The following JAZF1 variants were observed in gnomAD, a reference collection of about 807,000 sequenced individuals.
JAZF1 encodes the protein JAZF zinc finger 1, also known as juxtaposed with another zinc finger protein 1.
JAZF1 carries 8 observed loss-of-function variants against 26.4 expected under a neutral mutation model. The observed-to-expected ratio is 0.30, with a 90% CI of 0.18 to 0.55. The LOEUF is 0.55. JAZF1 is among the 20% of genes least tolerant of loss of function. The pLI is 0.94. For synonymous variants in JAZF1, 126 were observed against 122.3 expected (o/e 1.03, Z -0.20); for missense variants, 199 against 322.0 (o/e 0.62, Z 2.92).
At chr7:27,931,807 T>C (rs1208916304) in intron 2 of JAZF1, among the ~76,000 whole-genome samples, 1 of 151,688 alleles carries the variant, frequency 6.6e-6, no homozygotes, top group Non-Finnish European at 1.5e-5. Context: ...CCTGGGAGAA[T>C]TGCTTGAACC....
chr7:28,041,450 A>G (rs1484504000), intron 1 of JAZF1, among the ~76,000 whole-genome samples: 1 of 152,202 alleles, frequency 6.6e-6, no homozygotes, highest in Non-Finnish European at 1.5e-5. Flanking sequence ...ATGAAACTAG[A>G]CATCTTGCTA....
intron 2 of JAZF1, among the ~76,000 whole-genome samples, chr7:27,922,674 GT>G (rs11411348): frequency 1.1e-4 from 16 of 151,034 alleles, no homozygotes; most frequent in Admixed American, 4.6e-4. Context: ...TTAATAATGG[GT>G]TTTTTTTTGC....
intron 2 of JAZF1, among the ~76,000 whole-genome samples, chr7:27,985,868 A>G (rs1785689096): frequency 6.6e-6 from 1 of 152,238 alleles, no homozygotes; most frequent in South Asian, 2.1e-4. Context: ...GATTATCTCA[A>G]TAGAAGCAGA....
intron 1 of JAZF1, among the ~76,000 whole-genome samples, chr7:28,016,773 G>T (rs1053810408): frequency 2.0e-5 from 3 of 152,148 alleles, no homozygotes; most frequent in African/African-American, 7.2e-5. Flanking sequence ...CAGCCCAGGG[G>T]ATCGTTCTCT....
chr7:28,024,023 T>C (rs1783049722), intron 1 of JAZF1, among the ~76,000 whole-genome samples: 1 of 152,004 alleles, frequency 6.6e-6, no homozygotes, highest in Non-Finnish European at 1.5e-5. Flanking sequence ...CAGTGGCTCA[T>C]GCCTGACATG....
chr7:27,885,544 G>A (rs1408537355), intron 3 of JAZF1, among the ~76,000 whole-genome samples: 1 of 152,082 alleles, frequency 6.6e-6, no homozygotes, highest in Non-Finnish European at 1.5e-5. Context: ...AGTTCCGTAC[G>A]TATTCTAGAT....
At chr7:27,978,686 C>A (rs1346589897) in intron 2 of JAZF1, among the ~76,000 whole-genome samples, 1 of 152,134 alleles carries the variant, frequency 6.6e-6, no homozygotes, top group South Asian at 2.1e-4. Context: ...AGAAAAAGTG[C>A]TCTGGAATCA....
chr7:27,996,407 G>A (rs536607094), intron 1 of JAZF1, among the ~76,000 whole-genome samples: 41 of 152,258 alleles, frequency 2.7e-4, no homozygotes, highest in African/African-American at 8.9e-4. Context: ...ACTGTGTACA[G>A]CAACAGTGGG....
At chr7:28,164,063 C>G (rs1264301609) in intron 1 of JAZF1, among the ~76,000 whole-genome samples, 2 of 152,210 alleles carry the variant, frequency 1.3e-5, no homozygotes, top group Non-Finnish European at 2.9e-5. Context: ...AGTAGTCCAC[C>G]ATGAGAAAAC....
chr7:28,031,767 CTAATGCATGCTGGGCT>C (rs1783197478), intron 1 of JAZF1, among the ~76,000 whole-genome samples: 1 of 152,140 alleles, frequency 6.6e-6, no homozygotes, highest in African/African-American at 2.4e-5. Context: ...GGAAAAATAG[CTAATGCATGCTGGGCT>C]TAACACCTGA....
chr7:27,988,921 A>T (rs6951945), intron 2 of JAZF1, among the ~76,000 whole-genome samples: 565 of 12,728 alleles, frequency 0.044, 7 homozygotes, highest in African/African-American at 0.18. Context: ...GAATCTCTGT[A>T]AAAAAAAAAA....
rs115437482 is a variant in JAZF1, at chr7:27,873,758, T to C, written c.385+21462A>G. On this transcript the variant is annotated intron_variant, in intron 3 of 4. Coordinates refer to ENST00000283928, the MANE Select transcript of JAZF1 (RefSeq NM_175061.4). ...GCCATCTCTCTGAGCGTGGCTCATCTTTGCATCCCCTCCAGCACTCAGTGC... is the reference window on the plus strand; with the variant it reads ...GCCATCTCTCTGAGCGTGGCTCATCCTTGCATCCCCTCCAGCACTCAGTGC... 9.1e-3 allele frequency among the ~76,000 whole-genome samples: 1,386 copies of C among 152,288 alleles called. 19 individuals are homozygous for C. The highest frequency in any genetic ancestry group is 0.039 in the South Asian group (188 of 4,824).
intron 1 of JAZF1, among the ~76,000 whole-genome samples, chr7:28,153,198 G>C (rs1032598826): frequency 1.3e-5 from 2 of 152,064 alleles, no homozygotes; most frequent in Admixed American, 1.3e-4. Flanking sequence ...TCATCTTGGA[G>C]CATACAGTTC....
intron 1 of JAZF1, among the ~76,000 whole-genome samples, chr7:28,088,238 C>T (rs139591581): frequency 5.9e-5 from 9 of 152,312 alleles, no homozygotes; most frequent in East Asian, 1.9e-4. Context: ...TATCATGTTC[C>T]GAAAGTTTCA....
At chr7:27,965,790 A>C (rs1397845241) in intron 2 of JAZF1, among the ~76,000 whole-genome samples, 1 of 152,216 alleles carries the variant, frequency 6.6e-6, no homozygotes, top group African/African-American at 2.4e-5. Context: ...CTTATCCCTA[A>C]AAGAAATTCA....
chr7:28,118,215 A>T (rs1037832714), intron 1 of JAZF1: 1 of 152,176 alleles, frequency 6.6e-6, no homozygotes, highest in African/African-American at 2.4e-5. Flanking sequence ...TGCCAAGAGG[A>T]GCACAAAAAG....
At chr7:28,110,532 G>GAAAGGAAAAGGAAAAGGA (rs376047127) in intron 1 of JAZF1, among the ~76,000 whole-genome samples, 2 of 35,546 alleles carry the variant, frequency 5.6e-5, no homozygotes, top group African/African-American at 8.2e-5. Context: ...AAAGGAAAAG[G>GAAAGGAAAAGGAAAAGGA]AAAGGAAAAG....
chr7:27,843,056 G>A lies in JAZF1; in HGVS notation c.386-2189C>T, dbSNP rs1172731205. ...GGCACGTGGTATCCAGCCCCAGGCA[G>A]GGCAGGAAGGGGACACACAGCTTAC... On this transcript the variant is annotated intron_variant, in intron 3 of 4. Coordinates refer to ENST00000283928, the MANE Select transcript of JAZF1 (RefSeq NM_175061.4). The A allele has an allele frequency of 2.6e-5, 4 of 152,332 alleles. No individual in the cohort carries two copies. In the East Asian group the frequency reaches 5.8e-4, roughly 22 times the overall value. 9.4% of individuals were successfully genotyped at this position (152,332 alleles called of 1,614,324 possible).
At chr7:27,968,792 G>A (rs1184327987) in intron 2 of JAZF1, among the ~76,000 whole-genome samples, 7 of 152,044 alleles carry the variant, frequency 4.6e-5, no homozygotes, top group African/African-American at 1.4e-4. Flanking sequence ...ACTGAATCTG[G>A]TTGGTGTTGA....
Sources: allele counts gnomAD v4.1 joint callset (sites outside exome capture counted in the v4.1 genomes callset), GRCh38; gene constraint gnomAD v4.1.1; transcripts MANE v1.5; gene names NCBI Gene and HGNC (gene_info 2026-07-23, HGNC 2026-07-21).